The following PABPC4L variants were observed in gnomAD, a reference collection of about 807,000 sequenced individuals.
PABPC4L encodes the protein polyadenylate-binding protein 4-like.
For synonymous variants in PABPC4L, 169 were observed against 164.1 expected (o/e 1.03, Z -0.23); for missense variants, 452 against 451.4 (o/e 1.00, Z -0.01).
chr4:134,097,237 G>C, the PABPC4L span, among the ~76,000 whole-genome samples: 1 of 151,860 alleles, frequency 6.6e-6, no homozygotes, highest in Non-Finnish European at 1.5e-5. Flanking sequence ...GAATCTTAGA[G>C]ACTCTTGACA....
chr4:133,958,833 G>A, the PABPC4L span, among the ~76,000 whole-genome samples: 36 of 152,240 alleles, frequency 2.4e-4, no homozygotes, highest in South Asian at 7.5e-3. Context: ...TGAAGATTAT[G>A]GGAACTACAA....
chr4:134,083,403 A>C, the PABPC4L span, among the ~76,000 whole-genome samples: 1 of 150,756 alleles, frequency 6.6e-6, no homozygotes, highest in East Asian at 1.9e-4. Flanking sequence ...CAACTTGCCA[A>C]AAAAAAAATA....
At chr4:134,138,224 A>C in the PABPC4L span, among the ~76,000 whole-genome samples, 1 of 151,824 alleles carries the variant, frequency 6.6e-6, no homozygotes, top group Non-Finnish European at 1.5e-5. Flanking sequence ...ACCTAGTAAA[A>C]ATATTTTGTA....
the PABPC4L span, among the ~76,000 whole-genome samples, chr4:133,974,521 T>C: frequency 6.6e-6 from 1 of 152,070 alleles, no homozygotes; most frequent in Non-Finnish European, 1.5e-5. Flanking sequence ...ACAATAGATA[T>C]ATTGGGCCTG....
At chr4:134,191,360 A>C (rs56732617), downstream of PABPC4L, among the ~76,000 whole-genome samples, 691 of 152,248 alleles carry the variant, frequency 4.5e-3, 9 homozygotes, top group African/African-American at 0.016. Flanking sequence ...ATATCTATAG[A>C]GTACTCCAGC....
At chr4:133,962,150 C>T in the PABPC4L span, among the ~76,000 whole-genome samples, 13 of 152,182 alleles carry the variant, frequency 8.5e-5, no homozygotes. Flanking sequence ...AGCCCTAGAC[C>T]TTCCCTCTGA....
rs1729793833 is a variant in PABPC4L at position 134,199,991 on chromosome 4, C to T, written c.1029G>A (p.Glu343=). 17 of 1,551,658 alleles carry T rather than the reference C, an allele frequency of 1.1e-5. No individual in the cohort carries two copies. In the East Asian group the frequency reaches 3.7e-4, roughly 33 times the overall value. Residue 343 remains glutamate (E), a synonymous_variant, in exon 2 of 2, where the codon GAG becomes GAA. Transcript: ENST00000421491. ...GFGLICFSSP[E]DATKAMTEMN... ...TCTCAGTCATTGCTTTAGTAGCATCCTCAGGAGAGGAGAAGCAGATCAAGC... is the reference window on the plus strand; with the variant it reads ...TCTCAGTCATTGCTTTAGTAGCATCTTCAGGAGAGGAGAAGCAGATCAAGC...
chr4:134,199,892 G>C lies in PABPC4L; in HGVS notation c.*15C>G, dbSNP rs1334758106. On this transcript the variant is annotated 3_prime_UTR_variant, in exon 2 of 2. Transcript: ENST00000421491. ...CCTGCTGCAGATACTAGCTGGAAAG[G>C]TACGTTTTTCTTTCCTAGTGTCTCT... The C allele has an allele frequency of 6.5e-7, 1 of 1,549,722 alleles. No homozygotes were observed. The highest frequency in any genetic ancestry group is 2.4e-5 in the East Asian group (1 of 40,906).
At chr4:133,981,162 G>GA in the PABPC4L span, among the ~76,000 whole-genome samples, 45,557 of 145,414 alleles carry the variant, frequency 0.31, 10,770 homozygotes, top group African/African-American at 0.63. Flanking sequence ...CTCCACTGGG[G>GA]AAAAAAAAAA....
At chr4:134,172,482 C>A in the PABPC4L span, among the ~76,000 whole-genome samples, 1 of 152,122 alleles carries the variant, frequency 6.6e-6, no homozygotes, top group Non-Finnish European at 1.5e-5. Context: ...ACCTTGACTG[C>A]TTCCTTACAC....
At chr4:134,007,712 T>A in the PABPC4L span, among the ~76,000 whole-genome samples, 1 of 151,702 alleles carries the variant, frequency 6.6e-6, no homozygotes, top group Non-Finnish European at 1.5e-5. Flanking sequence ...TAAATAATAC[T>A]AATATCAACT....
the PABPC4L span, among the ~76,000 whole-genome samples, chr4:134,079,156 G>C: frequency 3.3e-5 from 5 of 151,104 alleles, no homozygotes; most frequent in Admixed American, 1.3e-4. Flanking sequence ...ATTTTTAGTA[G>C]AGACGGTGTT....
chr4:134,103,578 C>T, the PABPC4L span, among the ~76,000 whole-genome samples: 1 of 151,656 alleles, frequency 6.6e-6, no homozygotes, highest in Non-Finnish European at 1.5e-5. Flanking sequence ...TTAAAATGTA[C>T]TACCTCTTTA....
the PABPC4L span, among the ~76,000 whole-genome samples, chr4:134,064,184 G>T: frequency 6.6e-6 from 1 of 151,950 alleles, no homozygotes; most frequent in Non-Finnish European, 1.5e-5. Context: ...ATGAGTATTG[G>T]CTTGTCCAGA....
the PABPC4L span, among the ~76,000 whole-genome samples, chr4:134,119,642 C>G: frequency 1.1e-3 from 172 of 151,446 alleles, 1 homozygote; most frequent in Non-Finnish European, 1.4e-3. Context: ...TACATCTTAC[C>G]CTGCAAACAC....
chr4:134,144,579 T>TAA, the PABPC4L span, among the ~76,000 whole-genome samples: 3 of 138,880 alleles, frequency 2.2e-5, no homozygotes, highest in African/African-American at 5.2e-5. Flanking sequence ...CCTACCAGGT[T>TAA]AAAAAAAAAA....
At chr4:134,021,283 C>T in the PABPC4L span, among the ~76,000 whole-genome samples, 2 of 152,052 alleles carry the variant, frequency 1.3e-5, no homozygotes, top group African/African-American at 4.8e-5. Context: ...AAAAGAGCAA[C>T]TGGGGGCTCA....
Position 134,200,440 on chromosome 4 carries a change from T to C in PABPC4L, c.580A>G (p.Ile194Val). ...SKASEFTNVY[I>V]KNFGGDMDDE... Reference sequence around the variant, plus strand: ...TCCATGTCACCTCCAAAGTTTTTTATGTAAACATTGGTGAATTCACTGGCT... The same window carrying C: ...TCCATGTCACCTCCAAAGTTTTTTACGTAAACATTGGTGAATTCACTGGCT... The change falls in exon 2 of 2, where the codon ATA (isoleucine) becomes GTA (valine). Residue 194 changes from isoleucine (I) to valine (V), a missense_variant. Ile to Val is a conservative substitution (Grantham distance 29). Coordinates refer to ENST00000421491, the MANE Select transcript of PABPC4L (RefSeq NM_001114734.2). 9.0e-6 allele frequency: 14 copies of C among 1,552,234 alleles called. No individual in the cohort carries two copies. The highest frequency in any genetic ancestry group is 1.2e-5 in the Non-Finnish European group (14 of 1,147,226).
At chr4:134,131,781 A>C in the PABPC4L span, among the ~76,000 whole-genome samples, 1 of 151,056 alleles carries the variant, frequency 6.6e-6, no homozygotes, top group South Asian at 2.1e-4. Flanking sequence ...AAAAAGAACA[A>C]TTCTGGAGGC....
Sources: allele counts gnomAD v4.1 joint callset (sites outside exome capture counted in the v4.1 genomes callset), GRCh38; gene constraint gnomAD v4.1.1; transcripts MANE v1.5; gene names NCBI Gene and HGNC (gene_info 2026-07-23, HGNC 2026-07-21).